Variants in IGF2 observed in about 807,000 individuals in gnomAD.
The protein encoded by IGF2 is insulin-like growth factor 2.
In IGF2, 2 loss-of-function variants were observed where a neutral mutation model predicts 12.0. That is an observed-to-expected ratio of 0.17 (90% CI 0.07 to 0.52). IGF2 has a LOEUF of 0.52. Ranked by LOEUF, IGF2 falls within the 20% of genes least tolerant of loss-of-function variation. The pLI, the probability that IGF2 is intolerant of heterozygous loss-of-function variation, is 0.95. For missense variants in IGF2, 211 were observed against 268.0 expected, an observed-to-expected ratio of 0.79 and a Z score of 1.48; for synonymous variants, 105 against 110.1, an observed-to-expected ratio of 0.95 and a Z score of 0.29.
upstream of IGF2, chr11:2,141,352 C>T (rs1421751092): frequency 6.6e-6 from 1 of 152,158 alleles, no homozygotes; most frequent in Non-Finnish European, 1.5e-5. Context: ...CCGGGGACTC[C>T]GTTAATGTGG....
chr11:2,139,809 G>T (rs2133611828), upstream of IGF2, among the ~76,000 whole-genome samples: 2 of 151,960 alleles, frequency 1.3e-5, no homozygotes, highest in African/African-American at 4.8e-5. Context: ...CTGCGGGTGC[G>T]CCCCGTCTGA....
In IGF2 at chr11:2,136,261, A is replaced by AAC. The variant is rs140178958; in HGVS notation, c.-6-734_-6-733dup. On this transcript the variant is annotated intron_variant, in intron 1 of 3. Coordinates refer to ENST00000416167, the MANE Select transcript of IGF2 (RefSeq NM_000612.6). ...CTCCAGTCTGCCTTGGGTACCCCCA[A>AAC]ACACACACACACACGCCCAGAGCCT... Among the ~76,000 whole-genome samples, 520 of 152,074 alleles carry AAC rather than the reference A, an allele frequency of 3.4e-3. 2 individuals are homozygous for AAC. Among genetic ancestry groups the AAC allele is most frequent in the African/African-American group, 0.012 (498 of 41,512 alleles).
Position 2,139,380 on chromosome 11 carries a change from G to A in IGF2, c.-1158C>T, listed in dbSNP as rs1564899807. ...GGCCGGGCCTCACGCAGCTCCGCCGGAGAGCAGGCGAACTGCGGGCGCCCA... is the reference window on the plus strand; with the variant it reads ...GGCCGGGCCTCACGCAGCTCCGCCGAAGAGCAGGCGAACTGCGGGCGCCCA... On this transcript the variant is annotated 5_prime_UTR_variant, in exon 1 of 4. Coordinates refer to ENST00000416167, the MANE Select transcript of IGF2 (RefSeq NM_000612.6). 1 of 148,628 alleles carries A rather than the reference G, an allele frequency of 6.7e-6. No homozygotes were observed. Among genetic ancestry groups the A allele is most frequent in the African/African-American group, 2.4e-5 (1 of 41,116 alleles). The allele number at this position is 148,628 out of a possible 1,614,324, so 9.2% of individuals were successfully genotyped here.
chr11:2,133,526 G>A lies in IGF2; in HGVS notation c.297C>T (p.Thr99=), dbSNP rs776276916. Residue 99 remains threonine, a synonymous_variant, in exon 3 of 4, where the codon ACC becomes ACT. Transcript: ENST00000416167. This position sits in a 1 kb window ranked among gnomAD's most constrained non-coding sequence, Gnocchi z 8.9. The part of the protein sequence containing the change: ...KSERDVSTPP[T]VLPDNFPRYP... ...GGCCCAGGACCCTCACCGGAAGCACGGTCGGAGGGGTCGACACGTCCCTCT... is the reference window on the plus strand; with the variant it reads ...GGCCCAGGACCCTCACCGGAAGCACAGTCGGAGGGGTCGACACGTCCCTCT... 6.2e-6 allele frequency: 10 copies of A among 1,611,588 alleles called. No homozygotes were observed. The highest frequency in any genetic ancestry group is 3.3e-5 in the South Asian group (3 of 90,854).
In IGF2 at chr11:2,133,184, A is replaced by G. The variant is rs1858739301; in HGVS notation, c.346T>C (p.Tyr116His). 3 of 1,578,488 alleles carry G rather than the reference A, an allele frequency of 1.9e-6. No individual in the cohort carries two copies. Residue 116 changes from tyrosine to histidine, a missense_variant, in exon 4 of 4, where the codon TAT becomes CAT. By Grantham distance (83) the Tyr-to-His change is moderately conservative. Transcript: ENST00000416167. This position sits in a 1 kb window ranked among gnomAD's most constrained non-coding sequence, Gnocchi z 8.9. Reference sequence around the variant, plus strand: ...TGGGTGGACTGCTTCCAGGTGTCATATTGGAAGAACTTGCCCACGGGGTAT... The same window carrying G: ...TGGGTGGACTGCTTCCAGGTGTCATGTTGGAAGAACTTGCCCACGGGGTAT... The part of the protein sequence containing the change: ...PRYPVGKFFQ[Y>H]DTWKQSTQRL...
At chr11:2,149,207 C>G in the IGF2 span, 10 of 1,613,434 alleles carry the variant, frequency 6.2e-6, no homozygotes, top group South Asian at 8.8e-5. Flanking sequence ...GCCCAAGGCT[C>G]TCTGCCGAAA....
upstream of IGF2, among the ~76,000 whole-genome samples, chr11:2,142,064 T>A (rs908737785): frequency 6.6e-6 from 1 of 152,198 alleles, no homozygotes; most frequent in Middle Eastern, 3.2e-3. The surrounding 1 kb of genome is among the most constrained non-coding windows in gnomAD (Gnocchi z 5.7). Flanking sequence ...AGGAAACTTA[T>A]AGGTCGCAGG....
rs941441429 is a variant in IGF2 at position 2,129,236 on chromosome 11, C to T, written c.*3751G>A. ...GAGTTGAGTTGAGTCAAACACGGGC[C>T]GCAAGGTGGACCGAGGCGGCAGGCA... On this transcript the variant is annotated 3_prime_UTR_variant, in exon 4 of 4. Coordinates refer to ENST00000416167, the MANE Select transcript of IGF2 (RefSeq NM_000612.6). This position sits in a 1 kb window ranked among gnomAD's most constrained non-coding sequence, Gnocchi z 8.1. 10 of 203,506 alleles carry T rather than the reference C, an allele frequency of 4.9e-5. No individual in the cohort carries two copies. Among genetic ancestry groups the T allele is most frequent in the South Asian group, 1.9e-4 (1 of 5,270 alleles). The allele number at this position is 203,506 out of a possible 1,614,324, so 12.6% of individuals were successfully genotyped here.
the IGF2 span, chr11:2,149,203 G>C: frequency 6.2e-7 from 1 of 1,613,302 alleles, no homozygotes; most frequent in Non-Finnish European, 8.5e-7. Flanking sequence ...TGGTGCCCAA[G>C]GCTCTCTGCC....
Position 2,131,781 on chromosome 11 carries a change from T to C in IGF2, c.*1206A>G, listed in dbSNP as rs1858592836. On this transcript the variant is annotated 3_prime_UTR_variant, in exon 4 of 4. Coordinates refer to ENST00000416167, the MANE Select transcript of IGF2 (RefSeq NM_000612.6). ...TGTGTGTGCTGTGTCTTTGTGTGTG[T>C]GCTGTGTGCTAGTGTGTGTGCTGTG... 1.1e-5 allele frequency: 2 copies of C among 179,846 alleles called. No homozygotes were observed. Among genetic ancestry groups the C allele is most frequent in the African/African-American group, 5.4e-5 (2 of 36,884 alleles). 11.1% of individuals were successfully genotyped at this position (179,846 alleles called of 1,614,324 possible).
rs201178716 is a variant in IGF2, at chr11:2,135,354, C to G, written c.157+13G>C. Reference sequence around the variant, plus strand: ...CCTGACCAGGTCTGAGGAAGCCCCTCCCAGCTACTTACTGAAGTAGAAGCC... The same window carrying G: ...CCTGACCAGGTCTGAGGAAGCCCCTGCCAGCTACTTACTGAAGTAGAAGCC... On this transcript the variant is annotated intron_variant, in intron 2 of 3. Transcript: ENST00000416167. The G allele has an allele frequency of 8.1e-6, 13 of 1,601,162 alleles. No individual in the cohort carries two copies. Among genetic ancestry groups the G allele is most frequent in the Non-Finnish European group, 9.4e-6 (11 of 1,173,530 alleles).
chr11:2,144,899 G>A (rs1859824401), upstream of IGF2, among the ~76,000 whole-genome samples: 1 of 152,128 alleles, frequency 6.6e-6, no homozygotes, highest in Non-Finnish European at 1.5e-5. Context: ...TAGAAGGGGG[G>A]CATCTCAAAG....
rs1462122576 is a variant in IGF2 at position 2,132,237 on chromosome 11, T to A, written c.*750A>T. 2.0e-5 allele frequency: 4 copies of A among 203,544 alleles called. No homozygotes were observed. Among genetic ancestry groups the A allele is most frequent in the Non-Finnish European group, 4.0e-5 (4 of 99,246 alleles). The allele number at this position is 203,544 out of a possible 1,614,324, so 12.6% of individuals were successfully genotyped here. ...TTTTCATGCTCTGTCCTCCCCTCCT[T>A]TGGTCTTACTGGGTCCCTCTGACTG... is the stretch of plus-strand genomic sequence containing the variant. On this transcript the variant is annotated 3_prime_UTR_variant, in exon 4 of 4. Coordinates refer to ENST00000416167, the MANE Select transcript of IGF2 (RefSeq NM_000612.6).
In IGF2 at chr11:2,131,220, G is replaced by A. The variant is rs529166030; in HGVS notation, c.*1767C>T. The A allele has an allele frequency of 4.3e-5, 10 of 233,150 alleles. No individual in the cohort carries two copies. Among genetic ancestry groups the A allele is most frequent in the Admixed American group, 1.7e-4 (3 of 17,784 alleles). The allele number at this position is 233,150 out of a possible 1,614,324, so 14.4% of individuals were successfully genotyped here. On this transcript the variant is annotated 3_prime_UTR_variant, in exon 4 of 4. Transcript: ENST00000416167. ...CTACGGGTGTATCCCAAATGCCGCCGGCCGCACACTCAGGCCGCACCATCT... is the reference window on the plus strand; with the variant it reads ...CTACGGGTGTATCCCAAATGCCGCCAGCCGCACACTCAGGCCGCACCATCT...
In IGF2 at chr11:2,132,979, A is replaced by G; in HGVS notation, c.*8T>C. On this transcript the variant is annotated 3_prime_UTR_variant, in exon 4 of 4. Transcript: ENST00000416167. The stretch of plus-strand genomic sequence containing the variant: ...TGGCGCCGGGCTGCAGACTTGCGGC[A>G]GTTTTGCTCACTTCCGATTGCTGGC... 2.7e-6 allele frequency: 4 copies of G among 1,488,174 alleles called. No individual in the cohort carries two copies. In the South Asian group the frequency reaches 5.4e-5, roughly 20 times the overall value. The allele number at this position is 1,488,174 out of a possible 1,614,324, so 92.2% of individuals were successfully genotyped here.
chr11:2,147,627 C>G, the IGF2 span: 1 of 1,242,326 alleles, frequency 8.0e-7, no homozygotes, highest in Non-Finnish European at 1.0e-6. This position sits in a 1 kb window ranked among gnomAD's most constrained non-coding sequence, Gnocchi z 7.2. Context: ...TCTGGGAGCG[C>G]TGGGGTCGCC....
the IGF2 span, chr11:2,146,437 C>G: frequency 1.2e-4 from 65 of 532,252 alleles, no homozygotes; most frequent in Admixed American, 1.3e-3. Flanking sequence ...CCCGGCCGGC[C>G]TGGGAAGTAG....
chr11:2,146,498 C>T, the IGF2 span: 2 of 457,208 alleles, frequency 4.4e-6, no homozygotes, highest in South Asian at 3.1e-5. Context: ...CAGACCACCC[C>T]AAGGCTGCTC....
rs1247602703 is a variant in IGF2 at position 2,131,728 on chromosome 11, G to C, written c.*1259C>G. ...TGTGTGTGCTGTGTTCGTGTGTGCT[G>C]TGTTCGCGTGTGTGTGCTGTGTGTG... On this transcript the variant is annotated 3_prime_UTR_variant, in exon 4 of 4. Coordinates refer to ENST00000416167, the MANE Select transcript of IGF2 (RefSeq NM_000612.6). The C allele has an allele frequency of 4.8e-6, 1 of 209,170 alleles. No individual in the cohort carries two copies. The highest frequency in any genetic ancestry group is 9.4e-6 in the Non-Finnish European group (1 of 106,260). The allele number at this position is 209,170 out of a possible 1,614,324, so 13.0% of individuals were successfully genotyped here. A position where few individuals can be genotyped will look rare whatever the true frequency, so the allele number is the denominator to read the frequency against.
Sources: gnomAD v4.1 joint callset for allele counts (sites outside exome capture counted in the v4.1 genomes callset) on GRCh38, gnomAD v4.1.1 for gene constraint, Gnocchi (gnomAD v3.1) non-coding constraint, MANE v1.5 for transcripts, NCBI Gene and HGNC (gene_info 2026-07-23, HGNC 2026-07-21) for gene names.